PPP2R2C: variants seen among roughly 807,000 people sequenced by gnomAD.
The protein encoded by PPP2R2C is protein phosphatase 2, regulatory subunit B, gamma.
In PPP2R2C, 10 loss-of-function variants were observed where a neutral mutation model predicts 45.3. The observed-to-expected ratio is 0.22, with a 90% CI of 0.14 to 0.37. The LOEUF (loss-of-function observed/expected upper bound fraction) is 0.37. PPP2R2C is among the 10% of genes least tolerant of loss of function. PPP2R2C has a pLI of 1.00. For synonymous variants in PPP2R2C, 257 were observed against 245.4 expected (o/e 1.05, Z -0.44); for missense variants, 308 against 619.7 (o/e 0.50, Z 5.34).
intron 2 of PPP2R2C, among the ~76,000 whole-genome samples, chr4:6,506,691 G>A (rs1723246130): frequency 6.6e-6 from 1 of 152,250 alleles, no homozygotes; most frequent in African/African-American, 2.4e-5. Flanking sequence ...ATCTGCTATA[G>A]TGGTTGGGCA....
chr4:6,419,180 G>C (rs1718800138), intron 1 of PPP2R2C, among the ~76,000 whole-genome samples: 1 of 152,230 alleles, frequency 6.6e-6, no homozygotes, highest in Admixed American at 6.5e-5. Flanking sequence ...CACTTTGGGA[G>C]GCTGAGGCAG....
chr4:6,425,952 A>G (rs1165519368), intron 1 of PPP2R2C, among the ~76,000 whole-genome samples: 1 of 151,984 alleles, frequency 6.6e-6, no homozygotes, highest in Non-Finnish European at 1.5e-5. Context: ...GAGGCACTCT[A>G]TGGCTCCAGG....
intron 5 of PPP2R2C, chr4:6,351,417 C>T (rs536505715): frequency 4.7e-5 from 46 of 975,144 alleles, no homozygotes; most frequent in African/African-American, 2.3e-4. Context: ...AACCCAGGGC[C>T]GGCTGAGGGG....
intron 1 of PPP2R2C, among the ~76,000 whole-genome samples, chr4:6,558,055 G>A (rs1034810040): frequency 2.3e-4 from 35 of 152,114 alleles, no homozygotes; most frequent in African/African-American, 7.0e-4. Context: ...AAAGGTGCCC[G>A]AGCCCAGCAG....
At chr4:6,502,992 C>A (rs1195691781) in intron 2 of PPP2R2C, among the ~76,000 whole-genome samples, 1 of 152,174 alleles carries the variant, frequency 6.6e-6, no homozygotes, top group Non-Finnish European at 1.5e-5. Flanking sequence ...CCAGAAGCGT[C>A]TTCACTGGCT....
At chr4:6,339,953 T>G (rs1028034732) in intron 6 of PPP2R2C, among the ~76,000 whole-genome samples, 4 of 152,176 alleles carry the variant, frequency 2.6e-5, no homozygotes, top group Non-Finnish European at 5.9e-5. Flanking sequence ...CGAGCACCCC[T>G]GGACACTGGC....
intron 1 of PPP2R2C, among the ~76,000 whole-genome samples, chr4:6,455,146 T>G (rs1317530905): frequency 6.6e-6 from 1 of 152,208 alleles, no homozygotes; most frequent in Non-Finnish European, 1.5e-5. Flanking sequence ...AGAGCTGCGT[T>G]GCATTCGTGG....
rs550905412 is a variant in PPP2R2C, at chr4:6,395,617, C to G, written c.71-14523G>C. On this transcript the variant is annotated intron_variant, in intron 1 of 8. Coordinates refer to ENST00000382599, the MANE Select transcript of PPP2R2C (RefSeq NM_020416.4). ...CCACAGCGGGGGCTGATCAGCAGGT[C>G]CAGCCTCTGTTGGTGTGAGAGCTGC... is the stretch of plus-strand genomic sequence containing the variant. Among the ~76,000 whole-genome samples, 119 of 152,310 alleles carry G rather than the reference C, an allele frequency of 7.8e-4. 1 individual carries two copies. The highest frequency in any genetic ancestry group is 1.2e-3 in the Non-Finnish European group (85 of 68,014).
chr4:6,516,318 G>T (rs1276071095), intron 2 of PPP2R2C, among the ~76,000 whole-genome samples: 1 of 152,348 alleles, frequency 6.6e-6, no homozygotes, highest in South Asian at 2.1e-4. Context: ...ATTGCAGCCT[G>T]AAAAGAGGAT....
At chr4:6,434,427 C>T (rs933664311) in intron 1 of PPP2R2C, among the ~76,000 whole-genome samples, 1 of 136,278 alleles carries the variant, frequency 7.3e-6, no homozygotes, top group South Asian at 2.3e-4. Flanking sequence ...GGCGTGATCT[C>T]GGCTCACTGC....
intron 1 of PPP2R2C, among the ~76,000 whole-genome samples, chr4:6,410,391 T>G (rs973170931): frequency 5.3e-5 from 8 of 152,124 alleles, no homozygotes; most frequent in Non-Finnish European, 1.2e-4. Flanking sequence ...CGGGGGGTGG[T>G]GGCCACGAGT....
intron 2 of PPP2R2C, among the ~76,000 whole-genome samples, chr4:6,516,790 G>C (rs992415024): frequency 6.6e-6 from 1 of 152,094 alleles, no homozygotes; most frequent in Non-Finnish European, 1.5e-5. Context: ...TCCTCACCTG[G>C]CAATATAAAC....
At chr4:6,383,595 G>A (rs1191427198) in intron 1 of PPP2R2C, 20 of 541,558 alleles carry the variant, frequency 3.7e-5, no homozygotes, top group East Asian at 2.1e-4. Flanking sequence ...CTGCCTTCCC[G>A]TGAGCACAGC....
chr4:6,467,986 T>C (rs1186363245), intron 1 of PPP2R2C, among the ~76,000 whole-genome samples: 2 of 152,278 alleles, frequency 1.3e-5, no homozygotes, highest in East Asian at 3.9e-4. Context: ...CCACATCCAT[T>C]CTGGAACCAG....
intron 1 of PPP2R2C, among the ~76,000 whole-genome samples, chr4:6,398,089 A>G (rs1241403661): frequency 1.3e-5 from 2 of 152,244 alleles, no homozygotes; most frequent in Non-Finnish European, 2.9e-5. Flanking sequence ...CAAAATGAAT[A>G]TCAACTCTTA....
In PPP2R2C at chr4:6,472,353, C is replaced by A. The variant is rs1721948002; in HGVS notation, c.-124G>T. On this transcript the variant is annotated 5_prime_UTR_variant, in exon 1 of 9. Transcript: ENST00000382599. ...AGCAGGGGCGCGGGCCGCCGGGGCC[C>A]CGAAGGGAGGGCATCGCGGCAGGGG... is the stretch of plus-strand genomic sequence containing the variant. 41 of 1,230,092 alleles carry A rather than the reference C, an allele frequency of 3.3e-5. No individual in the cohort carries two copies. The highest frequency in any genetic ancestry group is 4.1e-5 in the Non-Finnish European group (40 of 983,250). 76.2% of individuals were successfully genotyped at this position (1,230,092 alleles called of 1,614,324 possible).
intron 5 of PPP2R2C, among the ~76,000 whole-genome samples, chr4:6,362,884 C>A (rs1278398063): frequency 4.7e-5 from 1 of 21,186 alleles, no homozygotes; most frequent in African/African-American, 7.8e-5. Context: ...TCCCCTGCAC[C>A]CCCTTTCCCC....
At position 6,322,943 on chromosome 4, in the gene PPP2R2C, G is replaced by A. The variant is rs369057517; in HGVS notation, c.*359C>T. ...ACGCACTGGAGTGAAAAATTAACCC[G>A]GACGCATAAAAAGTCCTATTGATGT... On this transcript the variant is annotated 3_prime_UTR_variant, in exon 9 of 9. Coordinates refer to ENST00000382599, the MANE Select transcript of PPP2R2C (RefSeq NM_020416.4). This position sits in a 1 kb window ranked among gnomAD's most constrained non-coding sequence, Gnocchi z 7.8. 10 of 174,332 alleles carry A rather than the reference G, an allele frequency of 5.7e-5. No homozygotes were observed. The highest frequency in any genetic ancestry group is 4.9e-4 in the Admixed American group (8 of 16,360). 10.8% of individuals were successfully genotyped at this position (174,332 alleles called of 1,614,324 possible). A position where few individuals can be genotyped will look rare whatever the true frequency, so the allele number is the denominator to read the frequency against.
intron 6 of PPP2R2C, among the ~76,000 whole-genome samples, chr4:6,338,424 T>G (rs1577079580): frequency 1.3e-5 from 2 of 152,080 alleles, no homozygotes; most frequent in Non-Finnish European, 2.9e-5. Context: ...CAGGCCAAGG[T>G]GGAGGGGACC....
Sources: allele counts gnomAD v4.1 joint callset (sites outside exome capture counted in the v4.1 genomes callset), GRCh38; gene constraint gnomAD v4.1.1; non-coding constraint Gnocchi (gnomAD v3.1); transcripts MANE v1.5; gene names NCBI Gene and HGNC (gene_info 2026-07-23, HGNC 2026-07-21).